The following SLC38A6 variants were observed in gnomAD, a reference collection of about 807,000 sequenced individuals.
SLC38A6 encodes the protein N system amino acid transporter NAT-1.
A neutral mutation model predicts 65.0 loss-of-function variants in SLC38A6; 73 were observed. The observed-to-expected ratio is 1.12, with a 90% confidence interval of 0.93 to 1.37. The LOEUF is 1.37. Ranked by LOEUF, SLC38A6 falls within the 40% of genes most tolerant of loss-of-function variation. SLC38A6 has a pLI of 0.00. For missense variants in SLC38A6, 561 were observed against 531.1 expected (o/e 1.06, Z -0.55); for synonymous variants, 183 against 178.8 (o/e 1.02, Z -0.19).
chr14:61,079,571 A>G (rs1461156411), intron 16 of SLC38A6, among the ~76,000 whole-genome samples: 1 of 152,130 alleles, frequency 6.6e-6, no homozygotes, highest in Non-Finnish European at 1.5e-5. Context: ...ACTTAATGTA[A>G]CTGCTCCATT....
At chr14:61,008,206 T>C (rs1595049390) in intron 3 of SLC38A6, among the ~76,000 whole-genome samples, 1 of 152,206 alleles carries the variant, frequency 6.6e-6, no homozygotes, top group Non-Finnish European at 1.5e-5. Context: ...GTATCATTCA[T>C]GAAGTTTCCA....
At chr14:60,986,532 G>A (rs944361872) in intron 3 of SLC38A6, among the ~76,000 whole-genome samples, 6 of 152,188 alleles carry the variant, frequency 3.9e-5, no homozygotes, top group Non-Finnish European at 5.9e-5. Context: ...AGGGGCTTGG[G>A]TGAATGTGCA....
intron 4 of SLC38A6, 57 bp downstream of exon 4, chr14:61,016,013 T>C (rs2039986687): frequency 7.1e-7 from 1 of 1,401,366 alleles, no homozygotes; most frequent in Non-Finnish European, 9.9e-7. Flanking sequence ...TTTCCTTTTG[T>C]TTCAAGTTAA....
chr14:61,006,636 C>T (rs2039142022), intron 3 of SLC38A6, among the ~76,000 whole-genome samples: 1 of 152,222 alleles, frequency 6.6e-6, no homozygotes, highest in Non-Finnish European at 1.5e-5. Flanking sequence ...TACCATCTCA[C>T]ACCAGTTAGA....
chr14:61,079,133 C>CTTTT (rs34713691), intron 16 of SLC38A6, among the ~76,000 whole-genome samples: 56 of 93,894 alleles, frequency 6.0e-4, no homozygotes, highest in Middle Eastern at 7.4e-3. Flanking sequence ...TGCCTCCAAA[C>CTTTT]TTTTTTTTTT....
rs527917012 is a variant in SLC38A6, at chr14:61,013,449, C to T, written c.311-2455C>T. Among the ~76,000 whole-genome samples the T allele has an allele frequency of 2.4e-3, 358 of 152,258 alleles. 2 individuals carry two copies. The Middle Eastern group carries it at 0.024, about 10-fold the overall frequency. Reference sequence around the variant, plus strand: ...GTTATGATGTTAGCTGGTTATTTTGCTCGTTAGTTGATGCAGTTTCTTCCT... The same window carrying T: ...GTTATGATGTTAGCTGGTTATTTTGTTCGTTAGTTGATGCAGTTTCTTCCT... On this transcript the variant is annotated intron_variant, in intron 3 of 15. Coordinates refer to ENST00000267488, the MANE Select transcript of SLC38A6 (RefSeq NM_153811.3).
intron 5 of SLC38A6, among the ~76,000 whole-genome samples, chr14:61,020,228 A>T (rs1459664447): frequency 6.6e-6 from 1 of 152,126 alleles, no homozygotes; most frequent in Non-Finnish European, 1.5e-5. Flanking sequence ...ATGTGTGTAT[A>T]TGTTGTAAAG....
intron 3 of SLC38A6, among the ~76,000 whole-genome samples, chr14:60,990,444 C>A (rs2037777916): frequency 6.6e-6 from 1 of 152,144 alleles, no homozygotes; most frequent in South Asian, 2.1e-4. Context: ...ACTTGGATGT[C>A]TAACAGCTCA....
At chr14:61,021,353 C>T (rs1194602222) in intron 5 of SLC38A6, among the ~76,000 whole-genome samples, 1 of 152,138 alleles carries the variant, frequency 6.6e-6, no homozygotes. Context: ...ATAAAAAAGA[C>T]ACTAGACTAA....
chr14:60,992,625 A>C (rs552629765), intron 3 of SLC38A6, among the ~76,000 whole-genome samples: 29 of 152,192 alleles, frequency 1.9e-4, no homozygotes, highest in African/African-American at 6.3e-4. Context: ...TCATCTGGGG[A>C]CTGAGTGTGA....
intron 5 of SLC38A6, among the ~76,000 whole-genome samples, chr14:61,030,228 C>T (rs1467451206): frequency 2.0e-5 from 3 of 151,306 alleles, no homozygotes; most frequent in Non-Finnish European, 4.4e-5. Flanking sequence ...ACTTAATGAA[C>T]TTAACAATTG....
intron 3 of SLC38A6, among the ~76,000 whole-genome samples, chr14:60,999,781 A>C (rs1427527547): frequency 6.6e-6 from 1 of 152,226 alleles, no homozygotes; most frequent in African/African-American, 2.4e-5. Flanking sequence ...AAATCAAGGC[A>C]TGCCAGCAGC....
intron 15 of SLC38A6, among the ~76,000 whole-genome samples, chr14:61,065,111 G>GGT (rs149630138): frequency 2.3e-4 from 34 of 150,500 alleles, no homozygotes; most frequent in South Asian, 4.2e-4. Flanking sequence ...AAATCTTTGG[G>GGT]GTGTGTGTGT....
chr14:60,996,860 G>A (rs1292185592), intron 3 of SLC38A6, among the ~76,000 whole-genome samples: 1 of 152,142 alleles, frequency 6.6e-6, no homozygotes, highest in South Asian at 2.1e-4. Flanking sequence ...TTCCTGGGGG[G>A]AAATGATTTT....
intron 15 of SLC38A6, among the ~76,000 whole-genome samples, chr14:61,064,200 A>G (rs2042949899): frequency 6.6e-6 from 1 of 152,196 alleles, no homozygotes; most frequent in African/African-American, 2.4e-5. Flanking sequence ...ACAGCCAGAC[A>G]TGGCCTCCCA....
At chr14:61,007,834 T>C (rs1404670970) in intron 3 of SLC38A6, among the ~76,000 whole-genome samples, 1 of 152,182 alleles carries the variant, frequency 6.6e-6, no homozygotes, top group Non-Finnish European at 1.5e-5. Flanking sequence ...ACCAAGGCTT[T>C]GGGATGTTAA....
chr14:61,018,253 G>A (rs966140616), intron 4 of SLC38A6, among the ~76,000 whole-genome samples: 3 of 152,244 alleles, frequency 2.0e-5, no homozygotes, highest in African/African-American at 7.2e-5. Context: ...GGTATCATTT[G>A]TACTGAAGAT....
At chr14:61,039,226 A>G (rs1419278180) in intron 8 of SLC38A6, among the ~76,000 whole-genome samples, 4 of 152,188 alleles carry the variant, frequency 2.6e-5, no homozygotes, top group Non-Finnish European at 5.9e-5. Context: ...AATAATACCC[A>G]TATTCTACAT....
At chr14:60,989,019 G>GAT (rs2139698059) in intron 3 of SLC38A6, among the ~76,000 whole-genome samples, 1 of 152,162 alleles carries the variant, frequency 6.6e-6, no homozygotes, top group Non-Finnish European at 1.5e-5. Flanking sequence ...CTATCTAGGA[G>GAT]ATTGCTTTTT....
Sources: gnomAD v4.1 joint callset for allele counts (sites outside exome capture counted in the v4.1 genomes callset) on GRCh38, gnomAD v4.1.1 for gene constraint, MANE v1.5 for transcripts, NCBI Gene and HGNC (gene_info 2026-07-23, HGNC 2026-07-21) for gene names.